The following TTC28 variants were observed in gnomAD, a reference collection of about 807,000 sequenced individuals.
The protein encoded by TTC28 is tetratricopeptide repeat protein 28.
A neutral mutation model predicts 198.0 loss-of-function variants in TTC28; 61 were observed. The observed-to-expected ratio is 0.31, with a 90% confidence interval of 0.25 to 0.38. The LOEUF (loss-of-function observed/expected upper bound fraction) is 0.38. Among genes scored for constraint, TTC28 ranks in the 10% least tolerant of loss-of-function variants. TTC28 has a pLI of 1.00. For missense variants in TTC28, 2,678 were observed against 3,164.0 expected (o/e 0.85, Z 3.69); for synonymous variants, 1,171 against 1,297.8 (o/e 0.90, Z 2.10).
intron 6 of TTC28, among the ~76,000 whole-genome samples, chr22:28,137,701 C>T (rs536643117): frequency 4.6e-5 from 7 of 152,056 alleles, no homozygotes; most frequent in African/African-American, 1.4e-4. Context: ...TGACTTCTGC[C>T]GCATTCTACT....
chr22:28,344,898 T>G (rs1264918766), intron 2 of TTC28, among the ~76,000 whole-genome samples: 1 of 152,172 alleles, frequency 6.6e-6, no homozygotes, highest in African/African-American at 2.4e-5. Flanking sequence ...ATCAGACATT[T>G]TACATAAATT....
intron 5 of TTC28, among the ~76,000 whole-genome samples, chr22:28,281,211 G>A (rs1002768197): frequency 1.2e-4 from 18 of 151,790 alleles, no homozygotes; most frequent in African/African-American, 2.4e-4. Context: ...TTATCTTTCC[G>A]TAACATGTAT....
At chr22:28,347,451 T>C (rs2045922406) in intron 2 of TTC28, among the ~76,000 whole-genome samples, 1 of 152,198 alleles carries the variant, frequency 6.6e-6, no homozygotes, top group African/African-American at 2.4e-5. Context: ...AGCTTGAGAA[T>C]GATCTATATA....
At chr22:28,207,224 G>C (rs5762520) in intron 5 of TTC28, among the ~76,000 whole-genome samples, 1 of 125,588 alleles carries the variant, frequency 8.0e-6, no homozygotes. Context: ...TAAGCAGATG[G>C]AAAAAAAAAA....
intron 1 of TTC28, among the ~76,000 whole-genome samples, chr22:28,678,112 AG>A: frequency 6.6e-6 from 1 of 152,324 alleles, no homozygotes; most frequent in South Asian, 2.1e-4. Flanking sequence ...CTAAAAGCCT[AG>A]TGTTCCCAAA....
At chr22:28,315,599 G>A (rs1420467809) in intron 2 of TTC28, among the ~76,000 whole-genome samples, 3 of 152,108 alleles carry the variant, frequency 2.0e-5, no homozygotes, top group Non-Finnish European at 4.4e-5. Context: ...TTATTTATAT[G>A]AATGTCCAAT....
intron 8 of TTC28, among the ~76,000 whole-genome samples, chr22:28,102,177 G>A (rs1942175008): frequency 6.6e-6 from 1 of 152,226 alleles, no homozygotes; most frequent in African/African-American, 2.4e-5. Context: ...TCCAATGAGT[G>A]TTAATAGAAG....
At chr22:28,340,578 G>A (rs2045813741) in intron 2 of TTC28, among the ~76,000 whole-genome samples, 1 of 152,078 alleles carries the variant, frequency 6.6e-6, no homozygotes, top group African/African-American at 2.4e-5. Context: ...AAAAACACAT[G>A]TGATTGGCAA....
chr22:28,499,462 T>C (rs774912312), intron 2 of TTC28, among the ~76,000 whole-genome samples: 15 of 152,144 alleles, frequency 9.9e-5, no homozygotes, highest in Non-Finnish European at 1.5e-4. Context: ...AAGTTGACAG[T>C]CTCTTAGTCC....
At chr22:28,410,683 T>C (rs984386362) in intron 2 of TTC28, among the ~76,000 whole-genome samples, 4 of 152,024 alleles carry the variant, frequency 2.6e-5, no homozygotes, top group African/African-American at 9.6e-5. Flanking sequence ...CAAGAGAGAC[T>C]AAAGCAATAT....
intron 6 of TTC28, among the ~76,000 whole-genome samples, chr22:28,162,678 G>C (rs1011860889): frequency 6.6e-6 from 1 of 152,180 alleles, no homozygotes; most frequent in East Asian, 1.9e-4. Context: ...GGCCAGGTAC[G>C]GTGGCTTATG....
At chr22:28,284,705 A>G (rs1338175345) in intron 5 of TTC28, among the ~76,000 whole-genome samples, 1 of 152,186 alleles carries the variant, frequency 6.6e-6, no homozygotes, top group Non-Finnish European at 1.5e-5. Flanking sequence ...TAACATTTTT[A>G]CAAAGAACAC....
intron 12 of TTC28, among the ~76,000 whole-genome samples, chr22:28,039,340 A>ATAAAAAAGGATGAGTTCATGTCCT (rs1939510480): frequency 6.6e-6 from 1 of 152,216 alleles, no homozygotes; most frequent in Admixed American, 6.5e-5. Context: ...CTATGCAGCC[A>ATAAAAAAGGATGAGTTCATGTCCT]TAAAAAAGGA....
chr22:28,381,264 T>C (rs2046489871), intron 2 of TTC28, among the ~76,000 whole-genome samples: 1 of 152,138 alleles, frequency 6.6e-6, no homozygotes, highest in Non-Finnish European at 1.5e-5. Context: ...ACTCACAGAT[T>C]TCTCTCTAAG....
chr22:28,086,419 T>A (rs1601603271), intron 12 of TTC28, among the ~76,000 whole-genome samples: 2 of 152,060 alleles, frequency 1.3e-5, no homozygotes, highest in East Asian at 3.9e-4. Flanking sequence ...GACTACTGGG[T>A]ACATAACAAA....
intron 2 of TTC28, among the ~76,000 whole-genome samples, chr22:28,590,629 T>A (rs2050410521): frequency 6.6e-6 from 1 of 151,822 alleles, no homozygotes; most frequent in South Asian, 2.1e-4. Context: ...CCAGGAAAAA[T>A]TTAGAACAAA....
intron 2 of TTC28, among the ~76,000 whole-genome samples, chr22:28,375,885 C>A (rs922162124): frequency 8.5e-5 from 13 of 152,186 alleles, no homozygotes; most frequent in Non-Finnish European, 1.8e-4. Context: ...ATCAGAACTC[C>A]AGGTTCTATA....
At chr22:28,018,674 G>T (rs1189335213) in intron 13 of TTC28, among the ~76,000 whole-genome samples, 1 of 152,188 alleles carries the variant, frequency 6.6e-6, no homozygotes, top group East Asian at 1.9e-4. Flanking sequence ...ACTGCCCTGG[G>T]ACTGATAGGC....
chr22:27,999,270 G>T lies in TTC28; in HGVS notation c.4399-10C>A. On this transcript the variant is annotated splice_polypyrimidine_tract_variant and intron_variant, in intron 15 of 22. Coordinates refer to ENST00000397906, the MANE Select transcript of TTC28 (RefSeq NM_001145418.2). Reference sequence around the variant, plus strand: ...TCTTCCGTAAGTGAGACTAGGAGGGGAGGGGACAAAGCAGACCACCCGTCA... The same window carrying T: ...TCTTCCGTAAGTGAGACTAGGAGGGTAGGGGACAAAGCAGACCACCCGTCA... 6.5e-7 allele frequency: 1 copy of T among 1,541,450 alleles called. No individual in the cohort carries two copies. Among genetic ancestry groups the T allele is most frequent in the Non-Finnish European group, 8.8e-7 (1 of 1,141,978 alleles).
Sources: gnomAD v4.1 joint callset for allele counts (sites outside exome capture counted in the v4.1 genomes callset) on GRCh38, gnomAD v4.1.1 for gene constraint, MANE v1.5 for transcripts, NCBI Gene and HGNC (gene_info 2026-07-23, HGNC 2026-07-21) for gene names.